The following LAPTM5 variants were observed in gnomAD, a reference collection of about 807,000 sequenced individuals.
LAPTM5 encodes the protein lysosomal protein transmembrane 5.
In LAPTM5, 11 loss-of-function variants were observed where a neutral mutation model predicts 30.1. That is an observed-to-expected ratio of 0.37 (90% CI 0.23 to 0.60). The LOEUF is 0.60. LAPTM5 is among the 20% of genes least tolerant of loss of function. LAPTM5 has a pLI of 0.71. For missense variants in LAPTM5, 324 were observed against 332.5 expected, an observed-to-expected ratio of 0.97 and a Z score of 0.20; for synonymous variants, 151 against 137.9, an observed-to-expected ratio of 1.10 and a Z score of -0.67.
At chr1:30,756,920 G>T (rs1457868273) in intron 1 of LAPTM5, among the ~76,000 whole-genome samples, 1 of 152,192 alleles carries the variant, frequency 6.6e-6, no homozygotes, top group Non-Finnish European at 1.5e-5. Context: ...AGGCAGAGGG[G>T]CAGCCTTGGC....
In LAPTM5 at chr1:30,746,877, A is replaced by G. The variant is rs566960554; in HGVS notation, c.88-4328T>C. On this transcript the variant is annotated intron_variant, in intron 1 of 7. Transcript: ENST00000294507. The surrounding 1 kb of genome is among the most constrained non-coding windows in gnomAD (Gnocchi z 4.0). ...TGGTGCGCGGAGCCGGGCACACAGC[A>G]GGTGCACCATAAACAAGCACAATTG... Among the ~76,000 whole-genome samples, 124 of 152,314 alleles carry G rather than the reference A, an allele frequency of 8.1e-4. 1 individual carries two copies. Among genetic ancestry groups the G allele is most frequent in the African/African-American group, 2.9e-3 (120 of 41,568 alleles).
chr1:30,753,720 G>C (rs1445968945), intron 1 of LAPTM5, among the ~76,000 whole-genome samples: 1 of 152,294 alleles, frequency 6.6e-6, no homozygotes, highest in Middle Eastern at 3.4e-3. Flanking sequence ...AACAGAAAAA[G>C]GATGTAAGAG....
In LAPTM5 at chr1:30,739,874, G is replaced by A. The variant is rs748945466; in HGVS notation, c.322C>T (p.Leu108Phe). 6.2e-7 allele frequency: 1 copy of A among 1,608,226 alleles called. No homozygotes were observed. Among genetic ancestry groups the A allele is most frequent in the South Asian group, 1.1e-5 (1 of 90,074 alleles). ...LQIMDYLLCL[L>F]TLLGSYIELP... The stretch of plus-strand genomic sequence containing the variant: ...TCAATGTAGGAGCCCAGCAGGGTGA[G>A]CAGGCACAGGAGATAGTCCATGATT... The change falls in exon 4 of 8, where the codon CTC becomes TTC. Residue 108 changes from leucine to phenylalanine, a missense_variant. Physicochemically the swap from Leu to Phe is conservative, Grantham distance 22. Transcript: ENST00000294507. The surrounding 1 kb of genome is among the most constrained non-coding windows in gnomAD (Gnocchi z 4.2).
intron 6 of LAPTM5, among the ~76,000 whole-genome samples, chr1:30,737,135 G>A (rs953536376): frequency 6.6e-6 from 1 of 152,146 alleles, no homozygotes; most frequent in Non-Finnish European, 1.5e-5. Context: ...GACCACCCCA[G>A]AGAAGAATGA....
In LAPTM5 at chr1:30,735,205, C is replaced by T. The variant is rs987344783; in HGVS notation, c.667G>A (p.Glu223Lys). 2.5e-6 allele frequency: 4 copies of T among 1,613,928 alleles called. No homozygotes were observed. The African/African-American group carries it at 4.0e-5, about 16-fold the overall frequency. Residue 223 changes from glutamate to lysine, a missense_variant, in exon 7 of 8, where the codon GAG (glutamate) becomes AAG (lysine). Coordinates refer to ENST00000294507, the MANE Select transcript of LAPTM5 (RefSeq NM_006762.3). ...YRLIKCMNSV[E>K]EKRNSKMLQK... ...AGCATCTTGGAGTTTCTCTTCTCCT[C>T]CACCGAGTTCATGCACTTGATCAAT...
rs538718242 is a variant in LAPTM5, at chr1:30,738,410, G to A, written c.510+530C>T. Among the ~76,000 whole-genome samples, 35 of 152,186 alleles carry A rather than the reference G, an allele frequency of 2.3e-4. No individual in the cohort carries two copies. In the South Asian group the frequency reaches 4.6e-3, roughly 20 times the overall value. ...ATGAGGAATTAGGCAAAGAGCCCAC[G>A]CCCTGTGAGTGAGCCACCAGGAGTT... is the stretch of plus-strand genomic sequence containing the variant. On this transcript the variant is annotated intron_variant, in intron 5 of 7. Transcript: ENST00000294507.
intron 6 of LAPTM5, among the ~76,000 whole-genome samples, chr1:30,736,339 G>C (rs994922184): frequency 7.9e-5 from 12 of 152,220 alleles, no homozygotes; most frequent in Non-Finnish European, 1.8e-4. Flanking sequence ...GAAAGGCTGG[G>C]GGGAAATGCA....
At chr1:30,750,088 C>A (rs908158158) in intron 1 of LAPTM5, among the ~76,000 whole-genome samples, 1 of 152,154 alleles carries the variant, frequency 6.6e-6, no homozygotes, top group Non-Finnish European at 1.5e-5. Flanking sequence ...GCTAACTTTG[C>A]CCCAAAGGCA....
At chr1:30,757,273 G>A (rs773065499) in intron 1 of LAPTM5, among the ~76,000 whole-genome samples, 3 of 152,196 alleles carry the variant, frequency 2.0e-5, no homozygotes, top group Admixed American at 6.5e-5. Context: ...CCCAGCCCAC[G>A]TTCCTCCCAA....
At chr1:30,749,144 A>T (rs3790496) in intron 1 of LAPTM5, among the ~76,000 whole-genome samples, 52,955 of 152,162 alleles carry the variant, frequency 0.35, 9,918 homozygotes, top group South Asian at 0.48. Context: ...GTAGATTCAT[A>T]CAATGGAGTA....
rs74977890 is a variant in LAPTM5 at position 30,757,685 on chromosome 1, T to C, written c.61A>G (p.Thr21Ala). Residue 21 changes from threonine to alanine, a missense_variant, in exon 1 of 8, where the codon ACC becomes GCC. Coordinates refer to ENST00000294507, the MANE Select transcript of LAPTM5 (RefSeq NM_006762.3). ...TCCCFNVRIA[T>A]TALAIYHVIM... ...ACATGGTAGATGGCCAGGGCGGTGG[T>C]TGCGATGCGGACATTGAAGCAGCAG... 7.4e-3 allele frequency: 11,993 copies of C among 1,613,802 alleles called. 353 individuals carry two copies. In the East Asian group the frequency reaches 0.076, roughly 10 times the overall value.
chr1:30,754,086 T>G (rs1383134928), intron 1 of LAPTM5, among the ~76,000 whole-genome samples: 1 of 152,254 alleles, frequency 6.6e-6, no homozygotes, highest in East Asian at 1.9e-4. Context: ...AATGCATTTC[T>G]GACAGTGGAA....
At chr1:30,757,609 C>T (rs1640230001) in intron 1 of LAPTM5, 50 bp downstream of exon 1, 2 of 1,578,106 alleles carry the variant, frequency 1.3e-6, no homozygotes, top group Admixed American at 3.5e-5. Context: ...CGCAGACATT[C>T]ACACTCACAC....
In LAPTM5 at chr1:30,757,656, C is replaced by G; in HGVS notation, c.87+3G>C. 1.2e-6 allele frequency: 2 copies of G among 1,613,500 alleles called. No individual in the cohort carries two copies. The highest frequency in any genetic ancestry group is 1.7e-6 in the Non-Finnish European group (2 of 1,179,958). On this transcript the variant is annotated splice_donor_region_variant and intron_variant, in intron 1 of 7. Coordinates refer to ENST00000294507, the MANE Select transcript of LAPTM5 (RefSeq NM_006762.3). The stretch of plus-strand genomic sequence containing the variant: ...CACACACACCCGGGGCCCGCACACT[C>G]ACCACATGGTAGATGGCCAGGGCGG...
intron 5 of LAPTM5, 111 bp downstream of exon 5, chr1:30,738,829 A>G: frequency 8.3e-7 from 1 of 1,203,928 alleles, no homozygotes; most frequent in Non-Finnish European, 1.1e-6. Context: ...CTTCCTCCCA[A>G]GCTCCAACTC....
At chr1:30,743,603 C>G (rs146392377) in intron 1 of LAPTM5, among the ~76,000 whole-genome samples, 107 of 152,262 alleles carry the variant, frequency 7.0e-4, no homozygotes, top group African/African-American at 2.5e-3. Flanking sequence ...GACATACATA[C>G]AGTTCTCCAG....
chr1:30,739,050 A>G lies in LAPTM5; in HGVS notation c.400T>C (p.Phe134Leu). Reference protein sequence around the residue: ...ASRSRASSSKFPLMTLQLLDF... With the variant: ...ASRSRASSSKLPLMTLQLLDF... ...AGCAGCTGCAGCGTCATCAGGGGGA[A>G]CTTGGAGGAGCTCTGGGGAGGACAA... Residue 134 changes from phenylalanine to leucine, a missense_variant, in exon 5 of 8, where the codon TTC (phenylalanine) becomes CTC (leucine). Transcript: ENST00000294507. The surrounding 1 kb of genome is among the most constrained non-coding windows in gnomAD (Gnocchi z 4.2). The G allele has an allele frequency of 1.3e-6, 2 of 1,596,866 alleles. No homozygotes were observed. The highest frequency in any genetic ancestry group is 1.7e-5 in the Admixed American group (1 of 57,284).
Position 30,742,463 on chromosome 1 carries a change from G to A in LAPTM5, c.174C>T (p.Leu58=). ...GGCGTCCCCTGGACCTACCGATCCT[G>A]AGGTAGCCCATCTGGGAGAGCTTGC... ...ASCKLSQMGY[L]RIADLISSFL... is the part of the protein sequence containing the mutation. Residue 58 remains leucine, a synonymous_variant, in exon 2 of 8, where the codon CTC becomes CTT. Coordinates refer to ENST00000294507, the MANE Select transcript of LAPTM5 (RefSeq NM_006762.3). 6.2e-7 allele frequency: 1 copy of A among 1,612,648 alleles called. No homozygotes were observed. The highest frequency in any genetic ancestry group is 8.5e-7 in the Non-Finnish European group (1 of 1,179,322).
intron 3 of LAPTM5, among the ~76,000 whole-genome samples, chr1:30,740,399 T>TCCCCCCACCCCCCCCC (rs1639951608): frequency 9.7e-6 from 1 of 103,194 alleles, no homozygotes; most frequent in Non-Finnish European, 2.0e-5. Flanking sequence ...AGAGAGCCCC[T>TCCCCCCACCCCCCCCC]CCCCCCCACC....
Sources: gnomAD v4.1 joint callset for allele counts (sites outside exome capture counted in the v4.1 genomes callset) on GRCh38, gnomAD v4.1.1 for gene constraint, Gnocchi (gnomAD v3.1) non-coding constraint, MANE v1.5 for transcripts, NCBI Gene and HGNC (gene_info 2026-07-23, HGNC 2026-07-21) for gene names.